The following PKHD1 variants were observed in gnomAD, a reference collection of about 807,000 sequenced individuals.
The protein encoded by PKHD1 is fibrocystin.
A neutral mutation model predicts 412.0 loss-of-function variants in PKHD1; 291 were observed. The ratio of observed to expected loss-of-function variants is 0.71; its 90% CI spans 0.64 to 0.78. The LOEUF (loss-of-function observed/expected upper bound fraction) is 0.78, where lower values mean the gene tolerates loss of function less well. PKHD1 is among the 30% of genes least tolerant of loss of function. The probability of loss-of-function intolerance (pLI) is 0.00; values close to 1 mark genes in which losing one functional copy is unlikely to be tolerated. For synonymous variants in PKHD1, 1,777 were observed against 1,821.5 expected, an observed-to-expected ratio of 0.98 and a Z score of 0.62; for missense variants, 4,825 against 4,950.7, an observed-to-expected ratio of 0.97 and a Z score of 0.76.
At chr6:51,757,921 G>A (rs2025749) in intron 55 of PKHD1, among the ~76,000 whole-genome samples, 5 of 151,294 alleles carry the variant, frequency 3.3e-5, no homozygotes, top group Admixed American at 2.6e-4. Context: ...TGAGGTGGGA[G>A]GATGGCTTAG....
intron 37 of PKHD1, among the ~76,000 whole-genome samples, chr6:51,924,401 G>A (rs1785198098): frequency 6.6e-6 from 1 of 152,150 alleles, no homozygotes; most frequent in Non-Finnish European, 1.5e-5. Flanking sequence ...GGTGTTAGCA[G>A]GAAGCTAAAT....
At chr6:51,791,656 A>G (rs1216859277) in intron 52 of PKHD1, among the ~76,000 whole-genome samples, 1 of 152,210 alleles carries the variant, frequency 6.6e-6, no homozygotes, top group Non-Finnish European at 1.5e-5. Flanking sequence ...GTGGAAACAC[A>G]CAGATCGAAT....
chr6:51,893,715 T>C lies in PKHD1; in HGVS notation c.6997-6470A>G, dbSNP rs139411459. 2.6e-4 allele frequency among the ~76,000 whole-genome samples: 39 copies of C among 152,270 alleles called. 1 individual carries two copies. Among genetic ancestry groups the C allele is most frequent in the African/African-American group, 9.4e-4 (39 of 41,544 alleles). On this transcript the variant is annotated intron_variant, in intron 43 of 66. Transcript: ENST00000371117. ...TCCAGAGAGAAATTAACTGCCCAAG[T>C]AAGCCAGCTCCTTGAGGTGTACATC...
intron 37 of PKHD1, among the ~76,000 whole-genome samples, chr6:51,926,977 C>T (rs1400736098): frequency 1.3e-5 from 2 of 152,178 alleles, no homozygotes; most frequent in Admixed American, 1.3e-4. Flanking sequence ...ACCATGCTTG[C>T]TGATGTTAAC....
intron 35 of PKHD1, among the ~76,000 whole-genome samples, chr6:51,999,965 C>G (rs997245469): frequency 2.0e-5 from 3 of 152,142 alleles, no homozygotes; most frequent in African/African-American, 7.2e-5. Context: ...CCCTTCATAC[C>G]TGGGAAAGGA....
At chr6:51,723,699 TC>T (rs1379860699) in intron 60 of PKHD1, among the ~76,000 whole-genome samples, 1 of 152,172 alleles carries the variant, frequency 6.6e-6, no homozygotes, top group Non-Finnish European at 1.5e-5. Flanking sequence ...ATATTTTCTT[TC>T]CTCTTTCTCC....
chr6:52,040,428 T>C (rs374398802), intron 27 of PKHD1, among the ~76,000 whole-genome samples: 2 of 152,172 alleles, frequency 1.3e-5, no homozygotes, highest in South Asian at 2.1e-4. Flanking sequence ...TTTGCCTCCC[T>C]ACTGTGAGTT....
chr6:51,706,522 G>C (rs1350592453), intron 60 of PKHD1, among the ~76,000 whole-genome samples: 1 of 151,478 alleles, frequency 6.6e-6, no homozygotes, highest in Non-Finnish European at 1.5e-5. Flanking sequence ...AAAGAGGGAG[G>C]TGAAAGAGGG....
At chr6:52,059,884 G>A in intron 15 of PKHD1, 44 bp downstream of exon 15, 1 of 916,532 alleles carries the variant, frequency 1.1e-6, no homozygotes, top group Non-Finnish European at 1.8e-6. Context: ...TCATGGGTAT[G>A]GGACTGGCAA....
chr6:51,779,164 C>A (rs544498413), intron 53 of PKHD1, among the ~76,000 whole-genome samples: 1 of 152,216 alleles, frequency 6.6e-6, no homozygotes, highest in East Asian at 1.9e-4. Context: ...TTAAAAACAC[C>A]TTGAAATAGC....
intron 35 of PKHD1, among the ~76,000 whole-genome samples, chr6:51,994,975 T>C (rs1178656373): frequency 1.3e-5 from 2 of 152,160 alleles, no homozygotes; most frequent in Non-Finnish European, 2.9e-5. Context: ...CAGACCACTA[T>C]ATCATACCAC....
At chr6:51,667,049 G>T (rs1413919097) in intron 60 of PKHD1, among the ~76,000 whole-genome samples, 1 of 148,502 alleles carries the variant, frequency 6.7e-6, no homozygotes, top group Non-Finnish European at 1.5e-5. Flanking sequence ...TAGTCATTTG[G>T]GTATATACCC....
rs1229560867 is a variant in PKHD1 at position 51,934,197 on chromosome 6, T to C, written c.6034A>G (p.Thr2012Ala). The C allele has an allele frequency of 1.9e-6, 3 of 1,613,948 alleles. No homozygotes were observed. Among genetic ancestry groups the C allele is most frequent in the Non-Finnish European group, 2.5e-6 (3 of 1,179,806 alleles). ...DKPFQGRAQI[T>A]LYGSSYSTPF... ...GTTGAGTAGGAACTCCCGTAGAGTG[T>C]GATCTGAGCTCTGCCTTGGAAGGGC... Residue 2012 changes from threonine (T) to alanine (A), a missense_variant, in exon 37 of 67, where the codon ACA (threonine) becomes GCA (alanine). By Grantham distance (58) the Thr-to-Ala change is moderately conservative. Coordinates refer to ENST00000371117, the MANE Select transcript of PKHD1 (RefSeq NM_138694.4).
At chr6:51,731,726 T>A (rs1056850059) in intron 60 of PKHD1, among the ~76,000 whole-genome samples, 1 of 152,194 alleles carries the variant, frequency 6.6e-6, no homozygotes, top group African/African-American at 2.4e-5. Flanking sequence ...CTCTTTAATG[T>A]GTATCCCTCA....
In PKHD1 at chr6:51,777,679, GAAAAAAAAAAAAAAAAA is replaced by G. The variant is rs59379021; in HGVS notation, c.8441-1775_8441-1759del. 3.3e-4 allele frequency among the ~76,000 whole-genome samples: 39 copies of G among 118,800 alleles called. 1 individual carries two copies. The highest frequency in any genetic ancestry group is 9.6e-4 in the African/African-American group (28 of 29,246). 77.9% of individuals were successfully genotyped at this position (118,800 alleles called of 152,430 possible). A position where few individuals can be genotyped will look rare whatever the true frequency, so the allele number is the denominator to read the frequency against. On this transcript the variant is annotated intron_variant, in intron 53 of 66. Coordinates refer to ENST00000371117, the MANE Select transcript of PKHD1 (RefSeq NM_138694.4). The stretch of plus-strand genomic sequence containing the variant: ...ACGGAGGGTAGTTTAGAGTCTTTGG[GAAAAAAAAAAAAAAAAA>G]AAAAAAAAAAAAAAAAAGTGGCCTA...
At chr6:51,865,602 C>T (rs776817801) in intron 48 of PKHD1, among the ~76,000 whole-genome samples, 2 of 152,136 alleles carry the variant, frequency 1.3e-5, no homozygotes, top group East Asian at 3.9e-4. Context: ...TCACTCCCTG[C>T]CCTCTCTGGA....
rs749579192 is a variant in PKHD1 at position 51,619,424 on chromosome 6, C to A, written c.11882G>T (p.Arg3961Leu). 6.2e-7 allele frequency: 1 copy of A among 1,613,728 alleles called. No homozygotes were observed. The highest frequency in any genetic ancestry group is 8.5e-7 in the Non-Finnish European group (1 of 1,179,668). The change falls in exon 67 of 67, where the codon CGA becomes CTA. Residue 3961 changes from arginine to leucine, a missense_variant. Physicochemically the swap from Arg to Leu is moderately radical, Grantham distance 102 (BLOSUM62 -2). Coordinates refer to ENST00000371117, the MANE Select transcript of PKHD1 (RefSeq NM_138694.4). ...SRRKVSRHIVREEEAAVPAPG... is the reference protein window; with the variant it reads ...SRRKVSRHIVLEEEAAVPAPG... The stretch of plus-strand genomic sequence containing the variant: ...AGCAGGCACAGCAGCCTCTTCCTCT[C>A]GGACAATGTGGCGGCTAACTTTCCT...
chr6:51,794,192 G>A (rs577045215), intron 52 of PKHD1, among the ~76,000 whole-genome samples: 302 of 151,588 alleles, frequency 2.0e-3, no homozygotes, highest in Non-Finnish European at 2.5e-3. Context: ...GTCCGCCACC[G>A]CGCCTTTTTT....
At chr6:51,708,446 T>C (rs1163370850) in intron 60 of PKHD1, among the ~76,000 whole-genome samples, 1 of 152,224 alleles carries the variant, frequency 6.6e-6, no homozygotes, top group Non-Finnish European at 1.5e-5. Flanking sequence ...CTTTTAAACA[T>C]GCAGGTCTAA....
Sources: gnomAD v4.1 joint callset for allele counts (sites outside exome capture counted in the v4.1 genomes callset) on GRCh38, gnomAD v4.1.1 for gene constraint, MANE v1.5 for transcripts, NCBI Gene and HGNC (gene_info 2026-07-23, HGNC 2026-07-21) for gene names.